ATN1: variants seen among roughly 807,000 people sequenced by gnomAD.
The protein encoded by ATN1 is atrophin-1.
ATN1 carries 19 observed loss-of-function variants against 85.8 expected under a neutral mutation model. The observed-to-expected ratio is 0.22, with a 90% CI of 0.15 to 0.32. The LOEUF (loss-of-function observed/expected upper bound fraction) is 0.32. Among genes scored for constraint, ATN1 ranks in the 10% least tolerant of loss-of-function variants. The pLI is 1.00. For synonymous variants in ATN1, 674 were observed against 657.0 expected (o/e 1.03, Z -0.39); for missense variants, 1,453 against 1,564.5 (o/e 0.93, Z 1.20).
intron 1 of ATN1, among the ~76,000 whole-genome samples, chr12:6,932,743 TAGAGA>T (rs1945481315): frequency 6.6e-6 from 1 of 152,234 alleles, no homozygotes; most frequent in African/African-American, 2.4e-5. Flanking sequence ...GCTCAAGTAC[TAGAGA>T]ATGGGTCCTT....
chr12:6,936,728 A>AGCAGCAGCAGCAG lies in ATN1; in HGVS notation c.1461_1462insGCAGCAGCAGCAG (p.Gln488AlafsTer40), dbSNP rs1945540976. The AGCAGCAGCAGCAG allele has an allele frequency of 2.5e-6, 4 of 1,583,954 alleles. No homozygotes were observed. The highest frequency in any genetic ancestry group is 4.6e-5 in the East Asian group (2 of 43,514). On this transcript the variant is annotated frameshift_variant, in exon 5 of 10. Coordinates refer to ENST00000396684, the MANE Select transcript of ATN1 (RefSeq NM_001940.4). LOFTEE classifies it high-confidence loss of function. ...ATCACCATCACCACCAGCAACAGCA[A>AGCAGCAGCAGCAG]CAGCAGCAGCAGCAGCAGCAGCAGC...
At chr12:6,925,060 G>A (rs1354855142), upstream of ATN1, among the ~76,000 whole-genome samples, 2 of 151,748 alleles carry the variant, frequency 1.3e-5, no homozygotes, top group East Asian at 1.9e-4. Flanking sequence ...GTTGTGGGGG[G>A]CTGAGCCAGA....
In ATN1 at chr12:6,936,090, C is replaced by T; in HGVS notation, c.823C>T (p.Pro275Ser). 2 of 1,528,410 alleles carry T rather than the reference C, an allele frequency of 1.3e-6. No individual in the cohort carries two copies. Among genetic ancestry groups the T allele is most frequent in the Non-Finnish European group, 1.8e-6 (2 of 1,138,906 alleles). The allele number at this position is 1,528,410 out of a possible 1,614,324, so 94.7% of individuals were successfully genotyped here. A position where few individuals can be genotyped will look rare whatever the true frequency, so the allele number is the denominator to read the frequency against. ...SGASGAPPTKPPTTPVGGGNL... is the reference protein window; with the variant it reads ...SGASGAPPTKSPTTPVGGGNL... ...GGCTAGTGGTGCTCCCCCAACAAAGCCGCCTACCACTCCAGTGGGTGGTGG... is the reference window on the plus strand; with the variant it reads ...GGCTAGTGGTGCTCCCCCAACAAAGTCGCCTACCACTCCAGTGGGTGGTGG... The change falls in exon 5 of 10, where the codon CCG (proline) becomes TCG (serine). Residue 275 changes from proline (P) to serine (S), a missense_variant. Around this residue, in one of 6 missense-constraint regions of ATN1, gnomAD observed 990 missense variants for 914.8 expected, o/e 1.08. Coordinates refer to ENST00000396684, the MANE Select transcript of ATN1 (RefSeq NM_001940.4).
chr12:6,941,780 G>A lies in ATN1; in HGVS notation c.3573G>A (p.Ter1191=). 6.2e-7 allele frequency: 1 copy of A among 1,614,030 alleles called. No individual in the cohort carries two copies. The highest frequency in any genetic ancestry group is 1.1e-5 in the South Asian group (1 of 91,076). The part of the protein sequence containing the change: ...HLKKESDKPL[*] The stretch of plus-strand genomic sequence containing the variant: ...AGAAGGAAAGCGACAAGCCACTGTA[G>A]AACCTGCGATCAAGAGAGCACCATG... Residue 1191 remains the stop codon, a stop_retained_variant, in exon 10 of 10, where the codon TAG becomes TAA. Transcript: ENST00000396684. The surrounding 1 kb of genome is among the most constrained non-coding windows in gnomAD (Gnocchi z 5.9).
rs1434349470 is a variant in ATN1 at position 6,937,752 on chromosome 12, CG to C, written c.2295-88del. ...ACAGCCTGCAGGGGTGGTTTTGAGG[CG>C]GGGGCTACAAGCACTCGCCGGGGCC... is the stretch of plus-strand genomic sequence containing the variant. On this transcript the variant is annotated intron_variant, in intron 5 of 9. Coordinates refer to ENST00000396684, the MANE Select transcript of ATN1 (RefSeq NM_001940.4). This position sits in a 1 kb window ranked among gnomAD's most constrained non-coding sequence, Gnocchi z 6.0. 2.1e-5 allele frequency: 31 copies of C among 1,460,566 alleles called. No individual in the cohort carries two copies. The African/African-American group carries it at 3.7e-4, about 18-fold the overall frequency. 90.5% of individuals were successfully genotyped at this position (1,460,566 alleles called of 1,614,324 possible). A position where few individuals can be genotyped will look rare whatever the true frequency, so the allele number is the denominator to read the frequency against.
rs1945563185 is a variant in ATN1 at position 6,937,413 on chromosome 12, G to A, written c.2146G>A (p.Ala716Thr). The A allele has an allele frequency of 1.3e-6, 2 of 1,547,684 alleles. No individual in the cohort carries two copies. Among genetic ancestry groups the A allele is most frequent in the Non-Finnish European group, 1.7e-6 (2 of 1,147,502 alleles). The change falls in exon 5 of 10, where the codon GCC (alanine) becomes ACC (threonine). Residue 716 changes from alanine (A) to threonine (T), a missense_variant. By Grantham distance (58) the Ala-to-Thr change is moderately conservative. Coordinates refer to ENST00000396684, the MANE Select transcript of ATN1 (RefSeq NM_001940.4). This position sits in a 1 kb window ranked among gnomAD's most constrained non-coding sequence, Gnocchi z 6.0. ...GCTGCCACCACCACCTGCGGCCCCT[G>A]CCTCAGGGCCGCCCCTGAGCGCCAC... is the stretch of plus-strand genomic sequence containing the variant. ...PSLPPPPAAPASGPPLSATQI... is the reference protein window; with the variant it reads ...PSLPPPPAAPTSGPPLSATQI...
chr12:6,929,178 G>T lies in ATN1; in HGVS notation c.-163+794G>T, dbSNP rs1018933076. On this transcript the variant is annotated intron_variant, in intron 1 of 9. Coordinates refer to ENST00000396684, the MANE Select transcript of ATN1 (RefSeq NM_001940.4). Reference sequence around the variant, plus strand: ...GGAAAACAGGAACACAGAAGGGGGAGTTGGGAAGAAAGGGGTTCTGGGAGG... The same window carrying T: ...GGAAAACAGGAACACAGAAGGGGGATTTGGGAAGAAAGGGGTTCTGGGAGG... 1.8e-4 allele frequency among the ~76,000 whole-genome samples: 28 copies of T among 152,292 alleles called. 1 individual carries two copies. The highest frequency in any genetic ancestry group is 6.7e-4 in the African/African-American group (28 of 41,542).
chr12:6,934,019 T>G lies in ATN1; in HGVS notation c.18T>G (p.Asn6Lys), dbSNP rs782117168. 3.7e-6 allele frequency: 6 copies of G among 1,607,818 alleles called. No individual in the cohort carries two copies. In the South Asian group the frequency reaches 6.7e-5, roughly 18 times the overall value. ...CCTGAAGAATGAAGACACGACAGAA[T>G]AAAGACTCGGTGAGTTAAAATGAGA... is the stretch of plus-strand genomic sequence containing the variant. MKTRQ[N>K]KDSMSMRSGR... is the part of the protein sequence containing the mutation. The change falls in exon 2 of 10, where the codon AAT becomes AAG. Residue 6 changes from asparagine to lysine, a missense_variant. By Grantham distance (94) the Asn-to-Lys change is moderately conservative. This residue lies in a region of ATN1 where 130 missense variants were observed against 158.2 expected (regional missense o/e 0.82). Coordinates refer to ENST00000396684, the MANE Select transcript of ATN1 (RefSeq NM_001940.4). The surrounding 1 kb of genome is among the most constrained non-coding windows in gnomAD (Gnocchi z 4.5).
chr12:6,927,829 C>A (rs1330119725), upstream of ATN1, among the ~76,000 whole-genome samples: 5 of 151,298 alleles, frequency 3.3e-5, no homozygotes, highest in African/African-American at 1.2e-4. Context: ...CCGGACGCAC[C>A]GCCCAGCCCG....
chr12:6,926,161 G>C (rs1945396965), upstream of ATN1, among the ~76,000 whole-genome samples: 1 of 152,162 alleles, frequency 6.6e-6, no homozygotes. Flanking sequence ...GGGTTGGGAG[G>C]AGCCTGCAGT....
intron 1 of ATN1, among the ~76,000 whole-genome samples, chr12:6,933,474 G>A (rs1221377033): frequency 2.6e-5 from 4 of 152,158 alleles, no homozygotes; most frequent in African/African-American, 9.7e-5. Context: ...ATAGACATGA[G>A]CCACCATGCC....
chr12:6,936,546 T>G lies in ATN1; in HGVS notation c.1279T>G (p.Tyr427Asp). 6.5e-7 allele frequency: 1 copy of G among 1,540,410 alleles called. No individual in the cohort carries two copies. Among genetic ancestry groups the G allele is most frequent in the Non-Finnish European group, 8.8e-7 (1 of 1,139,052 alleles). ...SLSVSNQPPK[Y>D]TQPSLPSQAV... ...CTCTGTCTCCAATCAGCCCCCCAAG[T>G]ATACTCAGCCTTCTCTCCCATCCCA... Residue 427 changes from tyrosine to aspartate, a missense_variant, in exon 5 of 10, where the codon TAT becomes GAT. This residue lies in a region of ATN1 where 990 missense variants were observed against 914.8 expected (regional missense o/e 1.08). Transcript: ENST00000396684.
intron 1 of ATN1, 81 bp from the exon 2 acceptor site, chr12:6,933,759 T>C: frequency 1.7e-6 from 1 of 595,922 alleles, no homozygotes; most frequent in South Asian, 2.0e-5. Context: ...GGCCGCTTGC[T>C]CAGTTCTCTG....
At chr12:6,928,642 C>T (rs1945426970) in intron 1 of ATN1, among the ~76,000 whole-genome samples, 2 of 152,284 alleles carry the variant, frequency 1.3e-5, no homozygotes, top group South Asian at 2.1e-4. Context: ...GAGGGAGGGT[C>T]TCCGGAGGAG....
rs782605849 is a variant in ATN1, at chr12:6,935,977, G to T, written c.710G>T (p.Gly237Val). The change falls in exon 5 of 10, where the codon GGG (glycine) becomes GTG (valine). Residue 237 changes from glycine to valine, a missense_variant. Gly to Val is a moderately radical substitution (Grantham distance 109). Transcript: ENST00000396684. The surrounding 1 kb of genome is among the most constrained non-coding windows in gnomAD (Gnocchi z 5.3). ...VLSGPPMGPK[G>V]GGAASSVGGP... ...TCTGGACCCCCAATGGGTCCCAAGG[G>T]GGGAGGGGCTGCCTCATCAGTGGGG... The T allele has an allele frequency of 8.2e-6, 13 of 1,589,640 alleles. No individual in the cohort carries two copies. The highest frequency in any genetic ancestry group is 7.0e-5 in the Admixed American group (4 of 56,996).
Position 6,937,342 on chromosome 12 carries a change from T to G in ATN1, c.2075T>G (p.Val692Gly), listed in dbSNP as rs1391696109. The G allele has an allele frequency of 1.3e-6, 2 of 1,554,350 alleles. No individual in the cohort carries two copies. The highest frequency in any genetic ancestry group is 2.4e-5 in the East Asian group (1 of 41,074). Residue 692 changes from valine (V) to glycine (G), a missense_variant, in exon 5 of 10, where the codon GTG becomes GGG. Val to Gly is a moderately radical substitution (Grantham distance 109). Coordinates refer to ENST00000396684, the MANE Select transcript of ATN1 (RefSeq NM_001940.4). The surrounding 1 kb of genome is among the most constrained non-coding windows in gnomAD (Gnocchi z 6.0). ...PGTFKPGSPT[V>G]GPGPLPPAGP... Reference sequence around the variant, plus strand: ...ACCTTCAAGCCGGGCTCGCCCACCGTGGGACCTGGGCCCCTGCCACCTGCG... The same window carrying G: ...ACCTTCAAGCCGGGCTCGCCCACCGGGGGACCTGGGCCCCTGCCACCTGCG...
At position 6,941,991 on chromosome 12, in the gene ATN1, G is replaced by A. The variant is rs1250979031; in HGVS notation, c.*211G>A. 10 of 594,008 alleles carry A rather than the reference G, an allele frequency of 1.7e-5. No individual in the cohort carries two copies. The highest frequency in any genetic ancestry group is 3.0e-5 in the Non-Finnish European group (10 of 332,396). 36.8% of individuals were successfully genotyped at this position (594,008 alleles called of 1,614,324 possible). A position where few individuals can be genotyped will look rare whatever the true frequency, so the allele number is the denominator to read the frequency against. On this transcript the variant is annotated 3_prime_UTR_variant, in exon 10 of 10. Coordinates refer to ENST00000396684, the MANE Select transcript of ATN1 (RefSeq NM_001940.4). The surrounding 1 kb of genome is among the most constrained non-coding windows in gnomAD (Gnocchi z 5.9). ...GCAGAGGTGGGGAGGTGGCGAGGAT[G>A]GGGACAGAAAGCGCACAGAATCTTG...
In ATN1 at chr12:6,938,691, G is replaced by A. The variant is rs781821869; in HGVS notation, c.2728G>A (p.Ala910Thr). The part of the protein sequence containing the change: ...RNHPFYVPLG[A>T]VDPGLLGYNV... ...CCATCCATTCTACGTGCCCCTGGGG[G>A]CAGTGGACCCGGGGCTCCTGGGTTA... Residue 910 changes from alanine to threonine, a missense_variant, in exon 7 of 10, where the codon GCA (alanine) becomes ACA (threonine). Coordinates refer to ENST00000396684, the MANE Select transcript of ATN1 (RefSeq NM_001940.4). The A allele has an allele frequency of 6.2e-7, 1 of 1,614,154 alleles. No individual in the cohort carries two copies. Among genetic ancestry groups the A allele is most frequent in the African/African-American group, 1.3e-5 (1 of 75,072 alleles).
chr12:6,940,895 A>G lies in ATN1; in HGVS notation c.3230A>G (p.His1077Arg). The G allele has an allele frequency of 6.2e-7, 1 of 1,613,798 alleles. No homozygotes were observed. The highest frequency in any genetic ancestry group is 8.5e-7 in the Non-Finnish European group (1 of 1,179,950). The change falls in exon 8 of 10, where the codon CAC becomes CGC. Residue 1077 changes from histidine to arginine, a missense_variant. Around this residue, in one of 6 missense-constraint regions of ATN1, gnomAD observed 118 missense variants for 163.7 expected, o/e 0.72. Transcript: ENST00000396684. ...DAIHAASASV[H>R]PLIDPLASGS... ...TGCCCTCCAGCCTCTGCCTCGGTGCACCCTCTCATTGACCCCCTGGCCTCA... is the reference window on the plus strand; with the variant it reads ...TGCCCTCCAGCCTCTGCCTCGGTGCGCCCTCTCATTGACCCCCTGGCCTCA...
Sources: allele counts gnomAD v4.1 joint callset (sites outside exome capture counted in the v4.1 genomes callset), GRCh38; gene constraint gnomAD v4.1.1; regional missense constraint gnomAD v4.1.1; non-coding constraint Gnocchi (gnomAD v3.1); transcripts MANE v1.5; gene names NCBI Gene and HGNC (gene_info 2026-07-23, HGNC 2026-07-21).